PDE5A: variants seen among roughly 807,000 people sequenced by gnomAD.
PDE5A encodes phosphodiesterase 5A, also known as cGMP-specific 3',5'-cyclic phosphodiesterase.
In PDE5A, 67 loss-of-function variants were observed where a neutral mutation model predicts 110.2. That is an observed-to-expected ratio of 0.61 (90% CI 0.50 to 0.75). The LOEUF is 0.75. Ranked by LOEUF, PDE5A falls within the 30% of genes least tolerant of loss-of-function variation. The pLI, the probability that PDE5A is intolerant of heterozygous loss-of-function variation, is 0.00. For synonymous variants in PDE5A, 328 were observed against 351.2 expected, an observed-to-expected ratio of 0.93 and a Z score of 0.74; for missense variants, 862 against 1,045.1, an observed-to-expected ratio of 0.82 and a Z score of 2.42.
rs200562028 is a variant in PDE5A at position 119,519,064 on chromosome 4, T to G, written c.1981A>C (p.Asn661His). Residue 661 changes from asparagine to histidine, a missense_variant, in exon 14 of 21, where the codon AAT becomes CAT. Asn to His is a moderately conservative substitution (Grantham distance 68). Transcript: ENST00000354960. ...TCTTACCGCTGTATGTAAGAGTTATTCACACCACGGTGATCCAAATCGTGG... is the reference window on the plus strand; with the variant it reads ...TCTTACCGCTGTATGTAAGAGTTATGCACACCACGGTGATCCAAATCGTGG... ...LSHDLDHRGV[N>H]NSYIQRSEHP... 3.1e-6 allele frequency: 5 copies of G among 1,612,518 alleles called. No individual in the cohort carries two copies. The highest frequency in any genetic ancestry group is 1.3e-5 in the African/African-American group (1 of 74,894).
chr4:119,585,746 G>A (rs970938952), intron 3 of PDE5A, among the ~76,000 whole-genome samples: 1 of 152,168 alleles, frequency 6.6e-6, no homozygotes, highest in Non-Finnish European at 1.5e-5. Context: ...AGAACCTAAA[G>A]CCTCACTGCT....
intron 1 of PDE5A, among the ~76,000 whole-genome samples, chr4:119,609,380 C>G (rs1729663065): frequency 6.6e-6 from 1 of 151,950 alleles, no homozygotes; most frequent in Non-Finnish European, 1.5e-5. Context: ...ACTAGGCAGA[C>G]ATTAAAACAT....
Position 119,538,741 on chromosome 4 carries a change from A to G in PDE5A, c.1632+219T>C, listed in dbSNP as rs540842252. On this transcript the variant is annotated intron_variant, in intron 11 of 20. Transcript: ENST00000354960. ...GGCCCCAAAAAGATGTAATGATTAT[A>G]ACAATTACTGGAAAACAAATATCAG... The G allele has an allele frequency of 1.1e-5, 5 of 474,888 alleles. No individual in the cohort carries two copies. The South Asian group carries it at 1.4e-4, about 13-fold the overall frequency. The allele number at this position is 474,888 out of a possible 1,614,324, so 29.4% of individuals were successfully genotyped here. A position where few individuals can be genotyped will look rare whatever the true frequency, so the allele number is the denominator to read the frequency against.
At chr4:119,607,600 G>A (rs1483893491) in intron 1 of PDE5A, among the ~76,000 whole-genome samples, 1 of 152,046 alleles carries the variant, frequency 6.6e-6, no homozygotes, top group Non-Finnish European at 1.5e-5. Context: ...AGCTGGGCAT[G>A]ATAGCATGTG....
intron 3 of PDE5A, among the ~76,000 whole-genome samples, chr4:119,594,386 G>A (rs1446760555): frequency 1.3e-5 from 2 of 152,114 alleles, no homozygotes; most frequent in East Asian, 1.9e-4. Context: ...TGGGGGCCAC[G>A]ATTTTAAAAT....
At position 119,528,444 on chromosome 4, in the gene PDE5A, T is replaced by C. The variant is rs192914014; in HGVS notation, c.1633-2749A>G. 2.0e-5 allele frequency among the ~76,000 whole-genome samples: 3 copies of C among 150,754 alleles called. No individual in the cohort carries two copies. The East Asian group carries it at 5.9e-4, about 30-fold the overall frequency. Reference sequence around the variant, plus strand: ...TCTAAATACCATCTAACTGATGAGCTAAATAGTAAACTGATGTGCAGCTGA... The same window carrying C: ...TCTAAATACCATCTAACTGATGAGCCAAATAGTAAACTGATGTGCAGCTGA... On this transcript the variant is annotated intron_variant, in intron 11 of 20. Coordinates refer to ENST00000354960, the MANE Select transcript of PDE5A (RefSeq NM_001083.4).
At chr4:119,524,262 G>A (rs1200101289) in intron 12 of PDE5A, among the ~76,000 whole-genome samples, 1 of 152,116 alleles carries the variant, frequency 6.6e-6, no homozygotes. Flanking sequence ...ACCAGTAGCA[G>A]AGGTATGACT....
Position 119,562,909 on chromosome 4 carries a change from T to C in PDE5A, c.1055A>G (p.Lys352Arg). The change falls in exon 6 of 21, where the codon AAG (lysine) becomes AGG (arginine). Residue 352 changes from lysine (K) to arginine (R), a missense_variant. By Grantham distance (26) the Lys-to-Arg change is conservative (BLOSUM62 2). Coordinates refer to ENST00000354960, the MANE Select transcript of PDE5A (RefSeq NM_001083.4). The part of the protein sequence containing the change: ...EEQQSLEVIL[K>R]KIAATIISFM... ...AGAGATAATAGTGGCAGCTATTTTC[T>C]TCAAAATTACTTCTAATGATTGTTG... The C allele has an allele frequency of 1.2e-6, 2 of 1,603,352 alleles. No homozygotes were observed. The highest frequency in any genetic ancestry group is 8.5e-7 in the Non-Finnish European group (1 of 1,175,982).
chr4:119,572,703 A>G (rs1026635435), intron 3 of PDE5A, among the ~76,000 whole-genome samples: 1 of 152,184 alleles, frequency 6.6e-6, no homozygotes, highest in Non-Finnish European at 1.5e-5. Context: ...CTACCCCCCA[A>G]ATTTCAGATT....
chr4:119,531,791 A>G (rs1192488793), intron 11 of PDE5A, among the ~76,000 whole-genome samples: 1 of 152,052 alleles, frequency 6.6e-6, no homozygotes, highest in African/African-American at 2.4e-5. Flanking sequence ...CTGTGAGGTA[A>G]ATTCTTTTAT....
At chr4:119,566,645 A>G (rs1727945600) in intron 4 of PDE5A, among the ~76,000 whole-genome samples, 1 of 152,202 alleles carries the variant, frequency 6.6e-6, no homozygotes, top group Non-Finnish European at 1.5e-5. Flanking sequence ...CAAGGCTTAT[A>G]AAACATTCAG....
chr4:119,523,481 A>G (rs1726200982), intron 12 of PDE5A, among the ~76,000 whole-genome samples: 1 of 152,064 alleles, frequency 6.6e-6, no homozygotes, highest in Non-Finnish European at 1.5e-5. Context: ...TAATATCTGA[A>G]AGAAACAAAA....
At chr4:119,508,051 T>G (rs1343075376) in intron 15 of PDE5A, among the ~76,000 whole-genome samples, 4 of 152,004 alleles carry the variant, frequency 2.6e-5, no homozygotes, top group Non-Finnish European at 4.4e-5. Flanking sequence ...AAAAAAGCCA[T>G]ATTAATGGAT....
intron 7 of PDE5A, among the ~76,000 whole-genome samples, chr4:119,557,498 T>C (rs1727584105): frequency 6.6e-6 from 1 of 152,124 alleles, no homozygotes; most frequent in Non-Finnish European, 1.5e-5. Flanking sequence ...ATGAGAGAAT[T>C]AGGTACGTGG....
intron 1 of PDE5A, 83 bp downstream of exon 1, chr4:119,628,437 G>T: frequency 8.5e-7 from 1 of 1,175,788 alleles, no homozygotes; most frequent in Non-Finnish European, 1.2e-6. Flanking sequence ...AAAGCAAAGG[G>T]CCTGGGAACA....
intron 19 of PDE5A, among the ~76,000 whole-genome samples, chr4:119,501,973 T>C (rs1455053316): frequency 6.6e-6 from 1 of 150,916 alleles, no homozygotes; most frequent in Non-Finnish European, 1.5e-5. Context: ...GATGAAACAC[T>C]GCTCTGAACA....
chr4:119,599,139 T>A (rs1194661270), intron 2 of PDE5A, among the ~76,000 whole-genome samples: 1 of 152,086 alleles, frequency 6.6e-6, no homozygotes. Flanking sequence ...AGATCCACTC[T>A]GACAAATAAT....
rs1730459788 is a variant in PDE5A, at chr4:119,628,788, T to G, written c.-117A>C. The G allele has an allele frequency of 2.1e-6, 3 of 1,458,748 alleles. No homozygotes were observed. The highest frequency in any genetic ancestry group is 2.8e-6 in the Non-Finnish European group (3 of 1,075,842). 90.4% of individuals were successfully genotyped at this position (1,458,748 alleles called of 1,614,324 possible). ...ACCCTCCCCCTTCGTCCTGCTCCAG[T>G]CGGGCCGGCTTTCGACAAAGCGGCC... On this transcript the variant is annotated 5_prime_UTR_variant, in exon 1 of 21. Coordinates refer to ENST00000354960, the MANE Select transcript of PDE5A (RefSeq NM_001083.4).
At chr4:119,592,951 A>C (rs1729030882) in intron 3 of PDE5A, among the ~76,000 whole-genome samples, 1 of 152,276 alleles carries the variant, frequency 6.6e-6, no homozygotes, top group Middle Eastern at 3.4e-3. Flanking sequence ...TCTGTGGCCA[A>C]ACCCACTTCA....
Sources: gnomAD v4.1 joint callset for allele counts (sites outside exome capture counted in the v4.1 genomes callset) on GRCh38, gnomAD v4.1.1 for gene constraint, MANE v1.5 for transcripts, NCBI Gene and HGNC (gene_info 2026-07-23, HGNC 2026-07-21) for gene names.